Variants in SOX5 observed in about 807,000 individuals in gnomAD.
SOX5 encodes SRY-box transcription factor 5.
Under a neutral mutation model 92.0 loss-of-function variants are expected in SOX5, and 9 were observed. The observed-to-expected ratio is 0.10, with a 90% CI of 0.06 to 0.17. The LOEUF is 0.17. Among genes scored for constraint, SOX5 ranks in the 10% least tolerant of loss-of-function variants. The probability of loss-of-function intolerance (pLI) is 1.00; values close to 1 mark genes in which losing one functional copy is unlikely to be tolerated. For synonymous variants in SOX5, 344 were observed against 336.3 expected (o/e 1.02, Z -0.25); for missense variants, 642 against 944.5 (o/e 0.68, Z 4.20).
At chr12:24,424,815 G>GC (rs200807275) in intron 1 of SOX5, among the ~76,000 whole-genome samples, 11 of 150,452 alleles carry the variant, frequency 7.3e-5, no homozygotes, top group Non-Finnish European at 1.2e-4. Flanking sequence ...TTTTGGGGGG[G>GC]GGGGATGGCT....
At chr12:24,446,464 A>ACT (rs1185389638) in intron 1 of SOX5, among the ~76,000 whole-genome samples, 2 of 152,206 alleles carry the variant, frequency 1.3e-5, no homozygotes, top group Non-Finnish European at 2.9e-5. Flanking sequence ...GAACAGAAAA[A>ACT]ATCAGCATAT....
chr12:24,300,427 A>C (rs1336224317), intron 2 of SOX5, among the ~76,000 whole-genome samples: 2 of 152,306 alleles, frequency 1.3e-5, no homozygotes, highest in Non-Finnish European at 2.9e-5. Context: ...TTATTACTAA[A>C]CACAAGAGAG....
At chr12:23,769,988 G>T (rs756380409) in intron 3 of SOX5, among the ~76,000 whole-genome samples, 1 of 150,702 alleles carries the variant, frequency 6.6e-6, no homozygotes, top group Non-Finnish European at 1.5e-5. Flanking sequence ...TCCATTAAAG[G>T]CCTCTGTTGG....
chr12:23,687,225 G>A (rs898266671), intron 6 of SOX5, among the ~76,000 whole-genome samples: 1 of 151,908 alleles, frequency 6.6e-6, no homozygotes, highest in African/African-American at 2.4e-5. Flanking sequence ...GTATTTTCAA[G>A]GCAGAATTTT....
intron 4 of SOX5, among the ~76,000 whole-genome samples, chr12:24,108,474 A>G (rs1946942290): frequency 6.6e-6 from 1 of 152,158 alleles, no homozygotes; most frequent in African/African-American, 2.4e-5. Context: ...ATCATTGATT[A>G]GTCTATCACA....
intron 5 of SOX5, among the ~76,000 whole-genome samples, chr12:23,740,578 G>C (rs150528218): frequency 1.8e-4 from 28 of 152,146 alleles, no homozygotes; most frequent in African/African-American, 6.7e-4. Flanking sequence ...ATGTTCTCTT[G>C]ACTCTCCATG....
intron 1 of SOX5, among the ~76,000 whole-genome samples, chr12:24,468,070 G>A (rs1373129214): frequency 6.6e-6 from 1 of 152,236 alleles, no homozygotes; most frequent in Non-Finnish European, 1.5e-5. Context: ...ACAACTGGGA[G>A]ATGAGGAAGC....
intron 2 of SOX5, among the ~76,000 whole-genome samples, chr12:24,299,250 T>G (rs1335028860): frequency 6.6e-6 from 1 of 152,202 alleles, no homozygotes; most frequent in Non-Finnish European, 1.5e-5. Flanking sequence ...TGAGTAGCTT[T>G]GACTCTCAAT....
intron 4 of SOX5, among the ~76,000 whole-genome samples, chr12:24,022,105 TTCAG>T: frequency 6.6e-6 from 1 of 152,286 alleles, no homozygotes; most frequent in South Asian, 2.1e-4. Context: ...GTCTTTACAG[TTCAG>T]TCAGTGAGAC....
intron 6 of SOX5, among the ~76,000 whole-genome samples, chr12:23,667,992 T>C (rs1173949047): frequency 6.6e-6 from 1 of 152,226 alleles, no homozygotes; most frequent in East Asian, 1.9e-4. Context: ...ATAATGCCAC[T>C]TTCCTGGTCA....
intron 7 of SOX5, among the ~76,000 whole-genome samples, chr12:23,653,030 A>AGATG (rs377588371): frequency 0.23 from 26,671 of 115,498 alleles, 2,658 homozygotes; most frequent in East Asian, 0.39. Context: ...ATGTACAGAT[A>AGATG]GATGGATGGA....
chr12:24,066,808 T>C (rs1380541317), intron 4 of SOX5, among the ~76,000 whole-genome samples: 1 of 151,958 alleles, frequency 6.6e-6, no homozygotes, highest in Non-Finnish European at 1.5e-5. Context: ...AGGTGAAGAG[T>C]AAGTAAAAGT....
intron 1 of SOX5, among the ~76,000 whole-genome samples, chr12:24,484,788 T>C (rs1946349247): frequency 6.6e-6 from 1 of 152,220 alleles, no homozygotes; most frequent in African/African-American, 2.4e-5. Context: ...TATGATAGCG[T>C]TAATTAACTT....
intron 1 of SOX5, among the ~76,000 whole-genome samples, chr12:24,433,915 C>A (rs1170949404): frequency 6.6e-6 from 1 of 152,022 alleles, no homozygotes; most frequent in African/African-American, 2.4e-5. Flanking sequence ...TGTCAAATAG[C>A]AAGAGAGCTA....
chr12:24,302,184 A>C (rs1000298768), intron 2 of SOX5, among the ~76,000 whole-genome samples: 5 of 152,174 alleles, frequency 3.3e-5, no homozygotes, highest in Admixed American at 6.5e-5. Flanking sequence ...TCTCCTAAAG[A>C]TATTTCTATA....
intron 1 of SOX5, among the ~76,000 whole-genome samples, chr12:24,518,822 C>T (rs777687424): frequency 4.6e-5 from 7 of 152,118 alleles, no homozygotes; most frequent in African/African-American, 1.7e-4. Context: ...CACTTTTACA[C>T]CTGTAGGCTT....
chr12:24,381,194 C>G (rs1364962518), intron 1 of SOX5, among the ~76,000 whole-genome samples: 1 of 152,094 alleles, frequency 6.6e-6, no homozygotes, highest in Admixed American at 6.5e-5. Flanking sequence ...TACTCATTGA[C>G]CAACGAAAAA....
chr12:23,957,846 T>C (rs1229678098), intron 4 of SOX5, among the ~76,000 whole-genome samples: 1 of 152,186 alleles, frequency 6.6e-6, no homozygotes, highest in African/African-American at 2.4e-5. Context: ...TTTTAAATCA[T>C]CTATATATTA....
intron 4 of SOX5, among the ~76,000 whole-genome samples, chr12:23,963,655 A>G (rs1452626901): frequency 1.3e-5 from 2 of 152,116 alleles, no homozygotes; most frequent in Admixed American, 6.5e-5. Context: ...GCAGGCATGC[A>G]TGAATGAAGT....
Sources: allele counts gnomAD v4.1 joint callset (sites outside exome capture counted in the v4.1 genomes callset), GRCh38; gene constraint gnomAD v4.1.1; transcripts MANE v1.5; gene names NCBI Gene and HGNC (gene_info 2026-07-23, HGNC 2026-07-21).